RBMS2: variants seen among roughly 807,000 people sequenced by gnomAD.
RBMS2 encodes the protein RNA binding motif single stranded interacting protein 2.
A neutral mutation model predicts 58.4 loss-of-function variants in RBMS2; 38 were observed. The ratio of observed to expected loss-of-function variants is 0.65; its 90% CI spans 0.50 to 0.85. RBMS2 has a LOEUF of 0.85. Ranked by LOEUF, RBMS2 falls within the 40% of genes least tolerant of loss-of-function variation. RBMS2 has a pLI of 0.00. For missense variants in RBMS2, 367 were observed against 503.7 expected, an observed-to-expected ratio of 0.73 and a Z score of 2.60; for synonymous variants, 151 against 180.7, an observed-to-expected ratio of 0.84 and a Z score of 1.32.
rs1448892165 is a variant in RBMS2, at chr12:56,593,317, G to A, written c.*4184G>A. ...ACTATGGGCTTGTGCCACCATGCCT[G>A]GCTAATTTTTTTATTTTTAGTAGAG... On this transcript the variant is annotated 3_prime_UTR_variant, in exon 14 of 14. Coordinates refer to ENST00000262031, the MANE Select transcript of RBMS2 (RefSeq NM_002898.4). 1 of 151,964 alleles carries A rather than the reference G, an allele frequency of 6.6e-6. No individual in the cohort carries two copies. The highest frequency in any genetic ancestry group is 2.4e-5 in the African/African-American group (1 of 41,332). 9.4% of individuals were successfully genotyped at this position (151,964 alleles called of 1,614,324 possible).
Position 56,588,316 on chromosome 12 carries a change from T to A in RBMS2, c.1085T>A (p.Met362Lys), listed in dbSNP as rs747593096. 1 of 1,613,970 alleles carries A rather than the reference T, an allele frequency of 6.2e-7. No homozygotes were observed. The highest frequency in any genetic ancestry group is 1.1e-5 in the South Asian group (1 of 91,078). The change falls in exon 12 of 14, where the codon ATG becomes AAG. Residue 362 changes from methionine to lysine, a missense_variant. Met to Lys is a moderately conservative substitution (Grantham distance 95). Transcript: ENST00000262031. ...TGTYMPTAAAMQGAYISQYTP... is the reference protein window; with the variant it reads ...TGTYMPTAAAKQGAYISQYTP... ...TAGTATATGCCGACGGCTGCAGCTA[T>A]GCAAGGAGCTTACATCTCCCAGTAC...
intron 2 of RBMS2, among the ~76,000 whole-genome samples, chr12:56,563,673 C>A (rs932287545): frequency 6.6e-6 from 1 of 152,066 alleles, no homozygotes; most frequent in African/African-American, 2.4e-5. Flanking sequence ...CGTGGTGGCT[C>A]ACACCTGTAA....
In RBMS2 at chr12:56,589,484, T is replaced by C; in HGVS notation, c.*351T>C. The C allele has an allele frequency of 3.8e-6, 1 of 260,164 alleles. No individual in the cohort carries two copies. Among genetic ancestry groups the C allele is most frequent in the South Asian group, 5.6e-5 (1 of 17,802 alleles). 16.1% of individuals were successfully genotyped at this position (260,164 alleles called of 1,614,324 possible). The stretch of plus-strand genomic sequence containing the variant: ...TGGTGGTCGCAGCTTCTCATCTATA[T>C]GAAAAAGTTTTCGATGTATTGGAAT... On this transcript the variant is annotated 3_prime_UTR_variant, in exon 14 of 14. Coordinates refer to ENST00000262031, the MANE Select transcript of RBMS2 (RefSeq NM_002898.4).
chr12:56,530,520 T>C (rs1222259230), intron 1 of RBMS2, among the ~76,000 whole-genome samples: 1 of 151,498 alleles, frequency 6.6e-6, no homozygotes, highest in Non-Finnish European at 1.5e-5. Flanking sequence ...GCCATCACAC[T>C]TGGCTAATTT....
intron 5 of RBMS2, 45 bp downstream of exon 5, chr12:56,571,900 G>T: frequency 7.0e-7 from 1 of 1,424,360 alleles, no homozygotes. Context: ...AATAACAAAT[G>T]TCACTTGGGG....
chr12:56,543,859 G>C (rs1164634270), intron 1 of RBMS2, among the ~76,000 whole-genome samples: 2 of 151,026 alleles, frequency 1.3e-5, no homozygotes, highest in Non-Finnish European at 2.9e-5. Flanking sequence ...GTGGAGATGG[G>C]GTTTCACTAT....
chr12:56,520,969 T>G (rs1426348433), upstream of RBMS2, among the ~76,000 whole-genome samples: 1 of 152,224 alleles, frequency 6.6e-6, no homozygotes, highest in African/African-American at 2.4e-5. Flanking sequence ...TTCTTAAGTA[T>G]GAACTCATTC....
At chr12:56,543,162 C>T (rs1378212028) in intron 1 of RBMS2, among the ~76,000 whole-genome samples, 1 of 152,054 alleles carries the variant, frequency 6.6e-6, no homozygotes, top group Non-Finnish European at 1.5e-5. Context: ...CATGAGCCAC[C>T]ACACCCAGCC....
intron 2 of RBMS2, among the ~76,000 whole-genome samples, chr12:56,565,598 A>G (rs1194497750): frequency 6.6e-6 from 1 of 152,176 alleles, no homozygotes; most frequent in African/African-American, 2.4e-5. Flanking sequence ...GTGGAGAGGC[A>G]GGAGTGAGGC....
At chr12:56,572,674 C>A (rs1241492287) in intron 5 of RBMS2, 1 of 540,346 alleles carries the variant, frequency 1.9e-6, no homozygotes, top group African/African-American at 2.1e-5. Context: ...AAAGTGAACT[C>A]TTCAGTAGAA....
At chr12:56,553,920 C>T (rs1878768306) in intron 1 of RBMS2, among the ~76,000 whole-genome samples, 1 of 150,736 alleles carries the variant, frequency 6.6e-6, no homozygotes, top group South Asian at 2.1e-4. Flanking sequence ...CGCCTCCTGG[C>T]TTCAAGCGAT....
chr12:56,572,348 T>C (rs929535673), intron 5 of RBMS2, among the ~76,000 whole-genome samples: 41 of 151,684 alleles, frequency 2.7e-4, no homozygotes, highest in African/African-American at 9.7e-4. Flanking sequence ...AAAAACCCAT[T>C]AGCCCCACCT....
intron 1 of RBMS2, among the ~76,000 whole-genome samples, chr12:56,560,778 TA>T (rs1221228706): frequency 3.9e-5 from 6 of 152,294 alleles, no homozygotes; most frequent in African/African-American, 1.4e-4. Context: ...ACTTTTATTT[TA>T]AGTTCATGGG....
intron 9 of RBMS2, 37 bp downstream of exon 9, chr12:56,582,189 C>T: frequency 6.6e-7 from 1 of 1,517,220 alleles, no homozygotes; most frequent in Non-Finnish European, 9.1e-7. Flanking sequence ...GGTGGTTTTC[C>T]CTACTACTGT....
intron 12 of RBMS2, 35 bp from the exon 13 acceptor site, chr12:56,588,897 G>A: frequency 6.2e-7 from 1 of 1,609,200 alleles, no homozygotes; most frequent in Non-Finnish European, 8.5e-7. Flanking sequence ...GGAAAGGAAT[G>A]CGCAAGATGA....
intron 1 of RBMS2, among the ~76,000 whole-genome samples, chr12:56,551,422 T>C (rs1428640247): frequency 6.6e-6 from 1 of 152,142 alleles, no homozygotes; most frequent in African/African-American, 2.4e-5. Flanking sequence ...CTTTTAGAAG[T>C]AAGGGATGGT....
intron 1 of RBMS2, among the ~76,000 whole-genome samples, chr12:56,552,463 T>C (rs1878441249): frequency 6.6e-6 from 1 of 152,172 alleles, no homozygotes. Context: ...GGAAAGGACA[T>C]TTCTATTCCC....
intron 1 of RBMS2, among the ~76,000 whole-genome samples, chr12:56,561,755 T>C (rs1880438003): frequency 3.3e-5 from 1 of 30,634 alleles, no homozygotes; most frequent in Non-Finnish European, 1.1e-4. Context: ...GACCTCGTGA[T>C]CCACCCCCCC....
At chr12:56,556,344 C>T (rs1278587425) in intron 1 of RBMS2, among the ~76,000 whole-genome samples, 4 of 151,558 alleles carry the variant, frequency 2.6e-5, no homozygotes, top group South Asian at 4.2e-4. Flanking sequence ...ACTGTAATCT[C>T]CTCTTATACT....
Sources: gnomAD v4.1 joint callset for allele counts (sites outside exome capture counted in the v4.1 genomes callset) on GRCh38, gnomAD v4.1.1 for gene constraint, MANE v1.5 for transcripts, NCBI Gene and HGNC (gene_info 2026-07-23, HGNC 2026-07-21) for gene names.